CCDC170: variants seen among roughly 807,000 people sequenced by gnomAD.
CCDC170 encodes the protein coiled-coil domain containing 170, also known as coiled-coil domain-containing protein 170.
In CCDC170, 69 loss-of-function variants were observed where a neutral mutation model predicts 72.6. The observed-to-expected ratio is 0.95, with a 90% CI of 0.78 to 1.16. The LOEUF (loss-of-function observed/expected upper bound fraction) is 1.16, where lower values mean the gene tolerates loss of function less well. Ranked by LOEUF, CCDC170 falls within the 50% of genes most tolerant of loss-of-function variation. The probability of loss-of-function intolerance (pLI) is 0.00; values close to 1 mark genes in which losing one functional copy is unlikely to be tolerated. For missense variants in CCDC170, 852 were observed against 832.5 expected (o/e 1.02, Z -0.29); for synonymous variants, 300 against 303.9 (o/e 0.99, Z 0.13).
chr6:151,616,050 T>A (rs954536806), intron 10 of CCDC170, among the ~76,000 whole-genome samples: 1 of 152,170 alleles, frequency 6.6e-6, no homozygotes, highest in Non-Finnish European at 1.5e-5. Context: ...AAAGACATTC[T>A]TATTCAAGCA....
chr6:151,564,507 C>T (rs1255766939), intron 5 of CCDC170, among the ~76,000 whole-genome samples: 1 of 152,102 alleles, frequency 6.6e-6, no homozygotes, highest in Non-Finnish European at 1.5e-5. Flanking sequence ...GTGGGTCTTT[C>T]AGTCCCTGGG....
chr6:151,616,567 C>T (rs1257450293), intron 10 of CCDC170, among the ~76,000 whole-genome samples: 3 of 151,978 alleles, frequency 2.0e-5, no homozygotes, highest in Admixed American at 6.6e-5. Context: ...GAAACTTCTT[C>T]GGAATGAAAA....
chr6:151,584,702 A>G (rs915666940), intron 6 of CCDC170, among the ~76,000 whole-genome samples: 1 of 152,176 alleles, frequency 6.6e-6, no homozygotes, highest in Non-Finnish European at 1.5e-5. Flanking sequence ...TTTCATAAAT[A>G]TGGAATTTCT....
intron 1 of CCDC170, among the ~76,000 whole-genome samples, chr6:151,496,224 G>A (rs1328220262): frequency 6.6e-6 from 1 of 152,096 alleles, no homozygotes; most frequent in Non-Finnish European, 1.5e-5. Context: ...ACATCAGGAG[G>A]GGCATATATC....
At chr6:151,509,189 C>G (rs934748885) in intron 1 of CCDC170, among the ~76,000 whole-genome samples, 1 of 151,416 alleles carries the variant, frequency 6.6e-6, no homozygotes, top group Non-Finnish European at 1.5e-5. Flanking sequence ...TCTCTCCCCC[C>G]TTTCGCTCTC....
chr6:151,615,912 AG>A, intron 10 of CCDC170: 1 of 459,904 alleles, frequency 2.2e-6, no homozygotes, highest in Non-Finnish European at 3.9e-6. Flanking sequence ...CAATTTACAA[AG>A]CTTTCTATAT....
At chr6:151,572,704 C>T (rs1776241194) in intron 5 of CCDC170, among the ~76,000 whole-genome samples, 1 of 116,558 alleles carries the variant, frequency 8.6e-6, no homozygotes, top group South Asian at 3.0e-4. Context: ...GGCTGGAGTA[C>T]AGTGGAGTGA....
chr6:151,598,133 G>C (rs754622466), intron 9 of CCDC170, among the ~76,000 whole-genome samples: 11 of 152,172 alleles, frequency 7.2e-5, no homozygotes, highest in African/African-American at 9.7e-5. Context: ...TACAAGGAAG[G>C]GGGGAAGCAA....
chr6:151,590,980 G>C (rs1434976411), intron 7 of CCDC170, among the ~76,000 whole-genome samples: 1 of 152,202 alleles, frequency 6.6e-6, no homozygotes, highest in African/African-American at 2.4e-5. Flanking sequence ...TGAGGATGTA[G>C]AGACAAAAGC....
chr6:151,496,593 C>G (rs972962597), intron 1 of CCDC170, among the ~76,000 whole-genome samples: 15 of 152,124 alleles, frequency 9.9e-5, no homozygotes, highest in African/African-American at 3.4e-4. Flanking sequence ...AATGATGGAG[C>G]AGGGACTTGT....
intron 1 of CCDC170, among the ~76,000 whole-genome samples, chr6:151,517,819 C>T (rs944187758): frequency 9.2e-5 from 14 of 152,192 alleles, no homozygotes; most frequent in South Asian, 6.2e-4. Flanking sequence ...AAGCTGTGGT[C>T]TACCTCTAGG....
intron 10 of CCDC170, among the ~76,000 whole-genome samples, chr6:151,616,644 G>T (rs1453277605): frequency 6.6e-6 from 1 of 152,156 alleles, no homozygotes; most frequent in Non-Finnish European, 1.5e-5. Context: ...CTAGGTCGGT[G>T]TCTTAGTCCT....
At chr6:151,532,380 G>T (rs1392451994) in intron 1 of CCDC170, among the ~76,000 whole-genome samples, 3 of 152,152 alleles carry the variant, frequency 2.0e-5, no homozygotes, top group Non-Finnish European at 4.4e-5. Context: ...GCCAATGTGG[G>T]TTGATCACTT....
chr6:151,506,653 C>T (rs1343473479), intron 1 of CCDC170, among the ~76,000 whole-genome samples: 1 of 152,196 alleles, frequency 6.6e-6, no homozygotes, highest in African/African-American at 2.4e-5. Flanking sequence ...CTTAAGACCA[C>T]ACTCTTTTGG....
chr6:151,529,564 G>A (rs181386547), intron 1 of CCDC170, among the ~76,000 whole-genome samples: 335 of 152,270 alleles, frequency 2.2e-3, no homozygotes, highest in Middle Eastern at 0.01. Flanking sequence ...GGCTGAGGCA[G>A]GAGAATCGCT....
intron 5 of CCDC170, among the ~76,000 whole-genome samples, chr6:151,554,300 C>T (rs1458539623): frequency 6.6e-6 from 1 of 152,180 alleles, no homozygotes; most frequent in East Asian, 1.9e-4. Flanking sequence ...AACTAAACTT[C>T]CATGTTGCAT....
intron 5 of CCDC170, among the ~76,000 whole-genome samples, chr6:151,568,036 G>A (rs1583030149): frequency 6.7e-6 from 1 of 150,006 alleles, no homozygotes. Context: ...CTTGAACCCG[G>A]GAGGCGGAGG....
chr6:151,572,463 G>A (rs191601110), intron 5 of CCDC170, among the ~76,000 whole-genome samples: 7 of 152,024 alleles, frequency 4.6e-5, no homozygotes, highest in East Asian at 1.9e-4. Context: ...ATAAATTTCC[G>A]TATACACCAA....
intron 7 of CCDC170, among the ~76,000 whole-genome samples, chr6:151,589,352 T>C (rs148817116): frequency 1.2e-4 from 18 of 152,314 alleles, no homozygotes; most frequent in African/African-American, 4.3e-4. Flanking sequence ...GGAAGCCATC[T>C]AACTGCCTGC....
Sources: gnomAD v4.1 joint callset for allele counts (sites outside exome capture counted in the v4.1 genomes callset) on GRCh38, gnomAD v4.1.1 for gene constraint, MANE v1.5 for transcripts, NCBI Gene and HGNC (gene_info 2026-07-23, HGNC 2026-07-21) for gene names.